Variants in RIPK1 observed in about 807,000 individuals in gnomAD.
RIPK1 encodes receptor-interacting serine/threonine-protein kinase 1.
In RIPK1, 27 loss-of-function variants were observed where a neutral mutation model predicts 62.4. That is an observed-to-expected ratio of 0.43 (90% CI 0.32 to 0.60). The LOEUF (loss-of-function observed/expected upper bound fraction) is 0.60, where lower values mean the gene tolerates loss of function less well. RIPK1 is among the 20% of genes least tolerant of loss of function. The pLI, the probability that RIPK1 is intolerant of heterozygous loss-of-function variation, is 0.07. For synonymous variants in RIPK1, 287 were observed against 303.2 expected (o/e 0.95, Z 0.55); for missense variants, 735 against 831.0 (o/e 0.88, Z 1.42).
At position 3,105,540 on chromosome 6, in the gene RIPK1, G is replaced by A; in HGVS notation, c.1065G>A (p.Glu355=). 1 of 1,605,274 alleles carries A rather than the reference G, an allele frequency of 6.2e-7. No individual in the cohort carries two copies. The highest frequency in any genetic ancestry group is 1.1e-5 in the South Asian group (1 of 89,618). Reference sequence around the variant, plus strand: ...AGGGACTTGGGATGGGTCCTGTGGAGGAGTCCTGGTTTGCTCCTTCCCTGG... The same window carrying A: ...AGGGACTTGGGATGGGTCCTGTGGAAGAGTCCTGGTTTGCTCCTTCCCTGG... ...SSQGLGMGPV[E]ESWFAPSLEH... is the part of the protein sequence containing the mutation. The change falls in exon 9 of 11, where the codon GAG becomes GAA. Residue 355 remains glutamate, a synonymous_variant. Coordinates refer to ENST00000259808, the MANE Select transcript of RIPK1 (RefSeq NM_001354930.2). This position sits in a 1 kb window ranked among gnomAD's most constrained non-coding sequence, Gnocchi z 4.5.
chr6:3,066,624 A>G (rs563913608), upstream of RIPK1, among the ~76,000 whole-genome samples: 33 of 152,284 alleles, frequency 2.2e-4, no homozygotes, highest in Middle Eastern at 3.4e-3. Flanking sequence ...CCCCTTCCAC[A>G]AACATCCTGG....
intron 1 of RIPK1, among the ~76,000 whole-genome samples, chr6:3,073,951 G>C (rs1024158390): frequency 6.6e-6 from 1 of 152,192 alleles, no homozygotes; most frequent in Non-Finnish European, 1.5e-5. Flanking sequence ...TCATCTGTCC[G>C]TCATTGTCTG....
chr6:3,082,347 C>T (rs1484398280), intron 4 of RIPK1, among the ~76,000 whole-genome samples: 1 of 152,226 alleles, frequency 6.6e-6, no homozygotes, highest in Non-Finnish European at 1.5e-5. Context: ...TTTAGGTACT[C>T]ATGTGCCACA....
intron 1 of RIPK1, 45 bp from the exon 2 acceptor site, chr6:3,076,699 CATATATATATATATATATAT>C: frequency 9.3e-6 from 2 of 214,558 alleles, no homozygotes; most frequent in Non-Finnish European, 1.4e-5. Flanking sequence ...AAAAAAAAAA[CATATATATATATATATATAT>C]ATATATAGTC....
chr6:3,088,744 C>T (rs1048746838), intron 6 of RIPK1: 1 of 152,332 alleles, frequency 6.6e-6, no homozygotes, highest in African/African-American at 2.4e-5. Flanking sequence ...ACTAACCAGA[C>T]CTGACCCTGC....
intron 5 of RIPK1, 46 bp downstream of exon 5, chr6:3,083,359 C>T (rs375903412): frequency 1.3e-4 from 193 of 1,497,720 alleles, no homozygotes; most frequent in South Asian, 4.5e-4. Flanking sequence ...AGCATCTACA[C>T]GCACTGTGCC....
At position 3,077,882 on chromosome 6, in the gene RIPK1, C is replaced by G; in HGVS notation, c.268C>G (p.Leu90Val). The change falls in exon 3 of 11, where the codon CTG (leucine) becomes GTG (valine). Residue 90 changes from leucine to valine, a missense_variant. Leu to Val is a conservative substitution (Grantham distance 32, BLOSUM62 1). Around this residue, in one of 2 missense-constraint regions of RIPK1, gnomAD observed 671 missense variants for 726.2 expected, o/e 0.92. Transcript: ENST00000259808. ...GVIIEEGKYS[L>V]VMEYMEKGNL... ...CATCATAGAGGAAGGGAAGTACTCC[C>G]TGGTGATGGAGTACATGGAGAAGGG... is the stretch of plus-strand genomic sequence containing the variant. The G allele has an allele frequency of 6.2e-7, 1 of 1,614,060 alleles. No individual in the cohort carries two copies. Among genetic ancestry groups the G allele is most frequent in the South Asian group, 1.1e-5 (1 of 91,090 alleles).
rs147954011 is a variant in RIPK1, at chr6:3,072,008, C to T, written c.-61+3347C>T. 4.9e-3 allele frequency among the ~76,000 whole-genome samples: 749 copies of T among 152,284 alleles called. 5 individuals carry two copies. Among genetic ancestry groups the T allele is most frequent in the African/African-American group, 0.017 (721 of 41,554 alleles). On this transcript the variant is annotated intron_variant, in intron 1 of 10. Transcript: ENST00000259808. This position sits in a 1 kb window ranked among gnomAD's most constrained non-coding sequence, Gnocchi z 5.6. ...CCTTTTTTAAATATTATTAAACATT[C>T]TTTCACAACATCGCTTTTGCAAACT...
intron 3 of RIPK1, among the ~76,000 whole-genome samples, chr6:3,078,908 G>GT (rs553688687): frequency 0.027 from 3,882 of 146,084 alleles, 138 homozygotes; most frequent in African/African-American, 0.085. Context: ...GTGTGATGGG[G>GT]TTTTTTTTTT....
chr6:3,084,621 G>A (rs1759593130), intron 5 of RIPK1, among the ~76,000 whole-genome samples: 1 of 142,438 alleles, frequency 7.0e-6, no homozygotes, highest in Non-Finnish European at 1.5e-5. Context: ...GTGAGACAGA[G>A]TCTCATTCTG....
At chr6:3,064,373 C>T (rs75012101), upstream of RIPK1, among the ~76,000 whole-genome samples, 315 of 152,356 alleles carry the variant, frequency 2.1e-3, 4 homozygotes, top group African/African-American at 7.4e-3. Context: ...TCTCACTGCT[C>T]CTCTCTGCTC....
Position 3,076,975 on chromosome 6 carries a change from C to T in RIPK1, c.152C>T (p.Pro51Leu), listed in dbSNP as rs1759098259. 1 of 1,607,364 alleles carries T rather than the reference C, an allele frequency of 6.2e-7. No homozygotes were observed. Among genetic ancestry groups the T allele is most frequent in the Non-Finnish European group, 8.5e-7 (1 of 1,177,058 alleles). ...LMIMKTVYKGPNCIEHNEALL... is the reference protein window; with the variant it reads ...LMIMKTVYKGLNCIEHNEALL... ...ATCATGAAAACAGTGTACAAGGGGC[C>T]CAACTGCATTGAGTGAGTAGGGAGC... The change falls in exon 2 of 11, where the codon CCC becomes CTC. Residue 51 changes from proline (P) to leucine (L), a missense_variant. Coordinates refer to ENST00000259808, the MANE Select transcript of RIPK1 (RefSeq NM_001354930.2).
intron 7 of RIPK1, among the ~76,000 whole-genome samples, chr6:3,100,484 T>C (rs533928791): frequency 1.3e-5 from 2 of 152,238 alleles, no homozygotes; most frequent in East Asian, 3.9e-4. Context: ...AAGAGTGATA[T>C]GCATCACACT....
chr6:3,094,580 C>CATAT (rs370564571), intron 7 of RIPK1, among the ~76,000 whole-genome samples: 2,901 of 139,270 alleles, frequency 0.021, 66 homozygotes, highest in African/African-American at 0.057. Context: ...ATAAATATTT[C>CATAT]ATATATATAT....
Position 3,085,426 on chromosome 6 carries a change from G to C in RIPK1, c.838+18G>C, listed in dbSNP as rs775819505. ...ATTTCCTGGTAAGAGCATCTTTTCT[G>C]ACTGTGTAGGATGCATCCTGTGTGG... On this transcript the variant is annotated intron_variant, in intron 6 of 10. Coordinates refer to ENST00000259808, the MANE Select transcript of RIPK1 (RefSeq NM_001354930.2). 6.2e-7 allele frequency: 1 copy of C among 1,613,838 alleles called. No homozygotes were observed. The highest frequency in any genetic ancestry group is 1.1e-5 in the South Asian group (1 of 91,032).
rs780239674 is a variant in RIPK1 at position 3,113,185 on chromosome 6, G to A, written c.1862G>A (p.Arg621Gln). 17 of 1,613,884 alleles carry A rather than the reference G, an allele frequency of 1.1e-5. No individual in the cohort carries two copies. The Admixed American group carries it at 1.3e-4, about 13-fold the overall frequency. ...QIDEIDHDYE[R>Q]DGLKEKVYQM... ...GATGAAATTGACCATGACTATGAGC[G>A]AGATGGACTGAAAGAAAAGGTTTAC... Residue 621 changes from arginine (R) to glutamine (Q), a missense_variant, in exon 11 of 11, where the codon CGA (arginine) becomes CAA (glutamine). By Grantham distance (43) the Arg-to-Gln change is conservative. This residue lies in a region of RIPK1 where 64 missense variants were observed against 104.8 expected (regional missense o/e 0.61). Transcript: ENST00000259808. The surrounding 1 kb of genome is among the most constrained non-coding windows in gnomAD (Gnocchi z 5.0).
chr6:3,070,695 T>C (rs1758664924), intron 1 of RIPK1, among the ~76,000 whole-genome samples: 1 of 152,128 alleles, frequency 6.6e-6, no homozygotes, highest in South Asian at 2.1e-4. Flanking sequence ...CCTCCCAAAG[T>C]GCTGGGATTA....
intron 5 of RIPK1, among the ~76,000 whole-genome samples, chr6:3,084,607 T>TC (rs1554114458): frequency 5.0e-4 from 75 of 150,706 alleles, no homozygotes; most frequent in Non-Finnish European, 7.1e-4. Flanking sequence ...TTTTTTTTTT[T>TC]CCCGTGAGAC....
chr6:3,077,897 A>C lies in RIPK1; in HGVS notation c.283A>C (p.Met95Leu), dbSNP rs1759167882. The change falls in exon 3 of 11, where the codon ATG (methionine) becomes CTG (leucine). Residue 95 changes from methionine to leucine, a missense_variant. Coordinates refer to ENST00000259808, the MANE Select transcript of RIPK1 (RefSeq NM_001354930.2). Reference sequence around the variant, plus strand: ...GAAGTACTCCCTGGTGATGGAGTACATGGAGAAGGGCAACCTGATGCACGT... The same window carrying C: ...GAAGTACTCCCTGGTGATGGAGTACCTGGAGAAGGGCAACCTGATGCACGT... ...EGKYSLVMEY[M>L]EKGNLMHVLK... is the part of the protein sequence containing the mutation. 6.2e-7 allele frequency: 1 copy of C among 1,614,220 alleles called. No homozygotes were observed. Among genetic ancestry groups the C allele is most frequent in the Admixed American group, 1.7e-5 (1 of 60,036 alleles).
Sources: allele counts gnomAD v4.1 joint callset (sites outside exome capture counted in the v4.1 genomes callset), GRCh38; gene constraint gnomAD v4.1.1; regional missense constraint gnomAD v4.1.1; non-coding constraint Gnocchi (gnomAD v3.1); transcripts MANE v1.5; gene names NCBI Gene and HGNC (gene_info 2026-07-23, HGNC 2026-07-21).